The following PCDH9 variants were observed in gnomAD, a reference collection of about 807,000 sequenced individuals.
PCDH9 encodes the protein protocadherin-9.
In PCDH9, 24 loss-of-function variants were observed where a neutral mutation model predicts 70.6. The observed-to-expected ratio is 0.34, with a 90% CI of 0.25 to 0.48. The LOEUF (loss-of-function observed/expected upper bound fraction) is 0.48, where lower values mean the gene tolerates loss of function less well. Among genes scored for constraint, PCDH9 ranks in the 20% least tolerant of loss-of-function variants. The pLI, the probability that PCDH9 is intolerant of heterozygous loss-of-function variation, is 0.99. For synonymous variants in PCDH9, 562 were observed against 558.5 expected (o/e 1.01, Z -0.09); for missense variants, 1,281 against 1,503.6 (o/e 0.85, Z 2.45).
intron 2 of PCDH9, among the ~76,000 whole-genome samples, chr13:67,155,211 C>T (rs9317645): frequency 3.3e-5 from 5 of 152,042 alleles, no homozygotes; most frequent in Admixed American, 6.6e-5. Context: ...TGAATGCAAA[C>T]GGCCAGCAGG....
chr13:66,369,724 C>G (rs1029063217), intron 4 of PCDH9, among the ~76,000 whole-genome samples: 2 of 152,066 alleles, frequency 1.3e-5, no homozygotes, highest in Non-Finnish European at 2.9e-5. Context: ...AACAGTGCTT[C>G]TTTCTGAGTT....
intron 4 of PCDH9, among the ~76,000 whole-genome samples, chr13:66,353,897 G>A (rs544955766): frequency 2.4e-4 from 37 of 152,178 alleles, no homozygotes; most frequent in African/African-American, 8.4e-4. Flanking sequence ...AATTCCACCT[G>A]GCACTAGTCA....
At chr13:66,793,803 T>C (rs2080197936) in intron 3 of PCDH9, among the ~76,000 whole-genome samples, 1 of 152,206 alleles carries the variant, frequency 6.6e-6, no homozygotes, top group Non-Finnish European at 1.5e-5. Flanking sequence ...CATTGGCTTC[T>C]AAAATAATGC....
At chr13:66,638,797 C>A (rs1426166616) in intron 3 of PCDH9, among the ~76,000 whole-genome samples, 1 of 152,166 alleles carries the variant, frequency 6.6e-6, no homozygotes, top group Non-Finnish European at 1.5e-5. Context: ...AGTGTGATTT[C>A]TCACGGGAAA....
At chr13:66,478,027 A>G (rs1958765250) in intron 4 of PCDH9, among the ~76,000 whole-genome samples, 1 of 152,182 alleles carries the variant, frequency 6.6e-6, no homozygotes, top group African/African-American at 2.4e-5. Flanking sequence ...CAAGTATAGC[A>G]GCACCATTTC....
chr13:66,744,802 A>T (rs2079333019), intron 3 of PCDH9, among the ~76,000 whole-genome samples: 1 of 152,176 alleles, frequency 6.6e-6, no homozygotes, highest in South Asian at 2.1e-4. Flanking sequence ...TGACATATTG[A>T]CTTTCATAAA....
intron 2 of PCDH9, among the ~76,000 whole-genome samples, chr13:67,085,563 A>G (rs1299475066): frequency 2.0e-5 from 3 of 152,182 alleles, no homozygotes; most frequent in African/African-American, 7.2e-5. Context: ...CACACCAACT[A>G]GAAGGTAAGG....
chr13:66,945,113 T>G (rs911120030), intron 2 of PCDH9, among the ~76,000 whole-genome samples: 1 of 151,960 alleles, frequency 6.6e-6, no homozygotes, highest in Non-Finnish European at 1.5e-5. Flanking sequence ...AAATTTACAT[T>G]TATAAGGGAA....
intron 2 of PCDH9, among the ~76,000 whole-genome samples, chr13:66,941,234 C>A (rs191329086): frequency 1.3e-5 from 2 of 150,940 alleles, no homozygotes; most frequent in East Asian, 3.9e-4. Context: ...ACTATAAACC[C>A]TAAAGCAACC....
At chr13:66,476,084 C>A (rs955734992) in intron 4 of PCDH9, among the ~76,000 whole-genome samples, 3 of 152,032 alleles carry the variant, frequency 2.0e-5, no homozygotes, top group African/African-American at 7.2e-5. Context: ...CTCTCTCTAT[C>A]TTTAAAGGTC....
chr13:66,649,988 A>G (rs1427634333), intron 3 of PCDH9, among the ~76,000 whole-genome samples: 1 of 151,776 alleles, frequency 6.6e-6, no homozygotes, highest in Non-Finnish European at 1.5e-5. Context: ...CACACAACAG[A>G]TACAAAAAAA....
Position 66,411,645 on chromosome 13 carries a change from GGATAGATAGATA to G in PCDH9, c.3341-106629_3341-106618del, listed in dbSNP as rs57986608. Among the ~76,000 whole-genome samples, 42 of 151,020 alleles carry G rather than the reference GGATAGATAGATA, an allele frequency of 2.8e-4. No homozygotes were observed. In the East Asian group the frequency reaches 6.2e-3, roughly 22 times the overall value. ...GAAGATAGACAGATATATAGATGAT[GGATAGATAGATA>G]GATAGATAGATAGATAGACAGATGG... On this transcript the variant is annotated intron_variant, in intron 4 of 4. Coordinates refer to ENST00000377865, the MANE Select transcript of PCDH9 (RefSeq NM_203487.3).
At chr13:66,455,490 C>T (rs1235883540) in intron 4 of PCDH9, among the ~76,000 whole-genome samples, 1 of 151,904 alleles carries the variant, frequency 6.6e-6, no homozygotes, top group Non-Finnish European at 1.5e-5. Flanking sequence ...CACTCTTGCC[C>T]CAATCACTCT....
chr13:66,771,392 T>G (rs1192425871), intron 3 of PCDH9, among the ~76,000 whole-genome samples: 1 of 152,188 alleles, frequency 6.6e-6, no homozygotes, highest in Non-Finnish European at 1.5e-5. Flanking sequence ...TCGTTGTCAT[T>G]TAGTCTTTAT....
chr13:66,454,102 T>G (rs1958268657), intron 4 of PCDH9, among the ~76,000 whole-genome samples: 1 of 152,112 alleles, frequency 6.6e-6, no homozygotes, highest in South Asian at 2.1e-4. Flanking sequence ...CAAACCAAAA[T>G]GTATGCACTA....
intron 2 of PCDH9, among the ~76,000 whole-genome samples, chr13:67,107,017 C>T (rs975410178): frequency 1.2e-4 from 19 of 152,228 alleles, no homozygotes; most frequent in South Asian, 4.1e-4. Context: ...CATGAACAGC[C>T]GGGGCACCAT....
intron 1 of PCDH9, 130 bp downstream of exon 1, chr13:67,229,650 G>A (rs1315155671): frequency 6.6e-6 from 1 of 152,268 alleles, no homozygotes; most frequent in Non-Finnish European, 1.5e-5. Context: ...GATGCAGGTA[G>A]GGATGCAGAT....
intron 2 of PCDH9, among the ~76,000 whole-genome samples, chr13:67,062,658 A>G (rs1393945765): frequency 6.6e-6 from 1 of 152,166 alleles, no homozygotes; most frequent in East Asian, 1.9e-4. Context: ...TTGCTCTTGA[A>G]CTTGCAAAAT....
chr13:66,777,640 G>GGA (rs1359337839), intron 3 of PCDH9, among the ~76,000 whole-genome samples: 7 of 152,130 alleles, frequency 4.6e-5, no homozygotes, highest in Non-Finnish European at 1.0e-4. Context: ...AACAGGTGCT[G>GGA]GAGAGGATGT....
Sources: gnomAD v4.1 joint callset for allele counts (sites outside exome capture counted in the v4.1 genomes callset) on GRCh38, gnomAD v4.1.1 for gene constraint, MANE v1.5 for transcripts, NCBI Gene and HGNC (gene_info 2026-07-23, HGNC 2026-07-21) for gene names.